Variants in VTA1 observed in about 807,000 individuals in gnomAD.
The protein encoded by VTA1 is vesicle trafficking 1, also known as vacuolar protein sorting-associated protein VTA1 homolog.
In VTA1, 24 loss-of-function variants were observed where a neutral mutation model predicts 36.9. The ratio of observed to expected loss-of-function variants is 0.65; its 90% CI spans 0.47 to 0.91. The LOEUF is 0.91. VTA1 is among the 40% of genes least tolerant of loss of function. The pLI is 0.00. For synonymous variants in VTA1, 142 were observed against 130.2 expected, an observed-to-expected ratio of 1.09 and a Z score of -0.62; for missense variants, 393 against 377.2, an observed-to-expected ratio of 1.04 and a Z score of -0.35.
At chr6:142,169,009 T>C (rs6931975) in intron 2 of VTA1, among the ~76,000 whole-genome samples, 15,725 of 151,866 alleles carry the variant, frequency 0.1, 960 homozygotes, top group Admixed American at 0.16. Flanking sequence ...GACCTCGTGA[T>C]CCACCCGCCT....
chr6:142,197,954 G>A (rs973966152), intron 5 of VTA1, among the ~76,000 whole-genome samples: 1 of 150,814 alleles, frequency 6.6e-6, no homozygotes, highest in Non-Finnish European at 1.5e-5. Flanking sequence ...CAAACTAGCC[G>A]GGAGTGGTGG....
At chr6:142,174,832 G>A (rs937414115) in intron 4 of VTA1, among the ~76,000 whole-genome samples, 2 of 152,092 alleles carry the variant, frequency 1.3e-5, no homozygotes, top group Non-Finnish European at 2.9e-5. Flanking sequence ...AAAGAGCCTG[G>A]CGTCTCTCTT....
At chr6:142,199,315 T>G (rs1234676958) in intron 6 of VTA1, among the ~76,000 whole-genome samples, 1 of 152,196 alleles carries the variant, frequency 6.6e-6, no homozygotes, top group Non-Finnish European at 1.5e-5. Context: ...CTCTTCCCTT[T>G]AATTGCATTG....
intron 1 of VTA1, among the ~76,000 whole-genome samples, chr6:142,151,399 A>G (rs1481597111): frequency 1.3e-5 from 2 of 152,224 alleles, no homozygotes; most frequent in South Asian, 2.1e-4. Context: ...TTCTGTATTC[A>G]TTATTAAAGA....
chr6:142,207,375 G>A (rs1254145573), intron 7 of VTA1, among the ~76,000 whole-genome samples: 2 of 151,828 alleles, frequency 1.3e-5, no homozygotes, highest in Non-Finnish European at 2.9e-5. Context: ...GACCAGCAGA[G>A]ACTATTATTC....
At chr6:142,172,265 T>C (rs978911534) in intron 4 of VTA1, among the ~76,000 whole-genome samples, 1 of 152,212 alleles carries the variant, frequency 6.6e-6, no homozygotes, top group Non-Finnish European at 1.5e-5. Context: ...TGCCTCGGCC[T>C]CCCAAAGTGC....
chr6:142,201,914 T>G (rs1390528597), intron 6 of VTA1, among the ~76,000 whole-genome samples: 1 of 152,038 alleles, frequency 6.6e-6, no homozygotes, highest in Non-Finnish European at 1.5e-5. Context: ...TCACACTTTC[T>G]GGATAGTCTT....
chr6:142,161,592 T>G (rs1474777321), intron 1 of VTA1, among the ~76,000 whole-genome samples: 1 of 152,180 alleles, frequency 6.6e-6, no homozygotes, highest in Non-Finnish European at 1.5e-5. Context: ...CAAATAATAT[T>G]TATTCATAAA....
At chr6:142,179,800 A>G (rs1430297651) in intron 4 of VTA1, among the ~76,000 whole-genome samples, 1 of 152,164 alleles carries the variant, frequency 6.6e-6, no homozygotes, top group Admixed American at 6.6e-5. Flanking sequence ...ATGTTGAACT[A>G]TTTTATTGAT....
intron 4 of VTA1, among the ~76,000 whole-genome samples, chr6:142,181,463 A>ATATATG (rs1399885617): frequency 1.4e-5 from 2 of 147,788 alleles, no homozygotes; most frequent in Non-Finnish European, 3.0e-5. Flanking sequence ...TTTTATATAT[A>ATATATG]TATATATATA....
intron 1 of VTA1, among the ~76,000 whole-genome samples, chr6:142,155,345 C>T (rs1778644258): frequency 6.6e-6 from 1 of 152,050 alleles, no homozygotes; most frequent in African/African-American, 2.4e-5. Flanking sequence ...TTAGTAAGAC[C>T]TTTATGCAGA....
intron 4 of VTA1, among the ~76,000 whole-genome samples, chr6:142,177,151 AGAGTT>A (rs763868579): frequency 1.1e-3 from 163 of 152,352 alleles, no homozygotes; most frequent in African/African-American, 3.8e-3. Context: ...ATATGAGAGT[AGAGTT>A]ATGTCTAATT....
In VTA1 at chr6:142,173,460, G is replaced by A. The variant is rs559834820; in HGVS notation, c.411+3039G>A. 2.6e-5 allele frequency among the ~76,000 whole-genome samples: 4 copies of A among 152,244 alleles called. No homozygotes were observed. The South Asian group carries it at 6.2e-4, about 24-fold the overall frequency. The stretch of plus-strand genomic sequence containing the variant: ...TAATTTTTTGTATTTTAGTAGAGAC[G>A]GGGTTTCACTGTGTTGGCCAGGATG... On this transcript the variant is annotated intron_variant, in intron 4 of 7. Transcript: ENST00000367630.
chr6:142,172,306 G>A (rs1775042690), intron 4 of VTA1, among the ~76,000 whole-genome samples: 1 of 152,322 alleles, frequency 6.6e-6, no homozygotes, highest in Non-Finnish European at 1.5e-5. Context: ...ACCAAGTCCA[G>A]CCAGGACATT....
In VTA1 at chr6:142,218,602, C is replaced by G. The variant is rs887515183; in HGVS notation, c.883C>G (p.Leu295Val). Residue 295 changes from leucine (L) to valine (V), a missense_variant, in exon 8 of 8, where the codon CTA becomes GTA. Physicochemically the swap from Leu to Val is conservative, Grantham distance 32 (BLOSUM62 1). Coordinates refer to ENST00000367630, the MANE Select transcript of VTA1 (RefSeq NM_016485.5). ...AGATGTAAGCACTGCTGTCCAGAAT[C>G]TACAAAAGGCTCTCAAGTTACTGAC... ...YEDVSTAVQN[L>V]QKALKLLTTG... The G allele has an allele frequency of 3.1e-6, 5 of 1,612,170 alleles. No individual in the cohort carries two copies. The Admixed American group carries it at 8.4e-5, about 27-fold the overall frequency.
intron 4 of VTA1, among the ~76,000 whole-genome samples, chr6:142,177,400 G>T (rs1775145956): frequency 6.6e-6 from 1 of 152,166 alleles, no homozygotes; most frequent in Non-Finnish European, 1.5e-5. Context: ...GATGAAAATT[G>T]TAATACCTGT....
intron 4 of VTA1, among the ~76,000 whole-genome samples, chr6:142,184,279 G>A (rs775614559): frequency 6.6e-6 from 1 of 152,168 alleles, no homozygotes; most frequent in Non-Finnish European, 1.5e-5. Context: ...ACCTGAATGA[G>A]TGGCTAACTT....
intron 5 of VTA1, among the ~76,000 whole-genome samples, chr6:142,193,836 A>C (rs142309835): frequency 9.0e-4 from 137 of 152,078 alleles, no homozygotes; most frequent in African/African-American, 3.3e-3. Flanking sequence ...GTCCTACCTC[A>C]GGGGTATATC....
chr6:142,182,747 G>A (rs188662798), intron 4 of VTA1, among the ~76,000 whole-genome samples: 1 of 152,272 alleles, frequency 6.6e-6, no homozygotes, highest in African/African-American at 2.4e-5. Context: ...GACAAATATG[G>A]AATTGGATGT....
Sources: allele counts gnomAD v4.1 joint callset (sites outside exome capture counted in the v4.1 genomes callset), GRCh38; gene constraint gnomAD v4.1.1; transcripts MANE v1.5; gene names NCBI Gene and HGNC (gene_info 2026-07-23, HGNC 2026-07-21).